GNAL: variants seen among roughly 807,000 people sequenced by gnomAD.
The protein encoded by GNAL is guanine nucleotide-binding protein G(olf) subunit alpha.
Under a neutral mutation model 55.1 loss-of-function variants are expected in GNAL, and 18 were observed. The observed-to-expected ratio is 0.33, with a 90% CI of 0.23 to 0.48. The LOEUF (loss-of-function observed/expected upper bound fraction) is 0.48, where lower values mean the gene tolerates loss of function less well. GNAL is among the 20% of genes least tolerant of loss of function. The pLI, the probability that GNAL is intolerant of heterozygous loss-of-function variation, is 0.99. For missense variants in GNAL, 412 were observed against 614.1 expected (o/e 0.67, Z 3.48); for synonymous variants, 253 against 237.0 (o/e 1.07, Z -0.62).
intron 4 of GNAL, among the ~76,000 whole-genome samples, chr18:11,778,257 A>G (rs944015628): frequency 2.6e-5 from 4 of 152,200 alleles, no homozygotes; most frequent in African/African-American, 9.7e-5. Flanking sequence ...ACCATAGTTG[A>G]AGATCAGAGA....
At chr18:11,793,906 C>G (rs1308143069) in intron 4 of GNAL, among the ~76,000 whole-genome samples, 22 of 141,400 alleles carry the variant, frequency 1.6e-4, no homozygotes, top group African/African-American at 5.9e-4. Context: ...GAGACTCCAT[C>G]TCGGGAAAAA....
At chr18:11,851,533 C>G (rs1237603863) in intron 5 of GNAL, 2 of 1,600,878 alleles carry the variant, frequency 1.2e-6, no homozygotes, top group Non-Finnish European at 1.7e-6. Context: ...GGAGAAACAC[C>G]TGTTCAACCT....
In GNAL at chr18:11,884,274, G is replaced by T. The variant is rs559922914; in HGVS notation, c.*3139G>T. On this transcript the variant is annotated 3_prime_UTR_variant, in exon 12 of 12. Coordinates refer to ENST00000334049, the MANE Select transcript of GNAL (RefSeq NM_182978.4). ...GTACCTGTCCACTTTTATAGCATGA[G>T]AACAGTACAATCAACTATTTATTTT... The T allele has an allele frequency of 1.4e-5, 9 of 646,634 alleles. No individual in the cohort carries two copies. In the South Asian group the frequency reaches 1.5e-4, roughly 11 times the overall value. 40.1% of individuals were successfully genotyped at this position (646,634 alleles called of 1,614,324 possible). A position where few individuals can be genotyped will look rare whatever the true frequency, so the allele number is the denominator to read the frequency against.
chr18:11,778,965 C>T (rs2033857311), intron 4 of GNAL, among the ~76,000 whole-genome samples: 4 of 152,042 alleles, frequency 2.6e-5, no homozygotes, highest in South Asian at 2.1e-4. Context: ...CCTGCTTCAA[C>T]AGTCACTGTT....
At chr18:11,796,374 G>C (rs536917054) in intron 4 of GNAL, among the ~76,000 whole-genome samples, 23 of 152,024 alleles carry the variant, frequency 1.5e-4, no homozygotes, top group African/African-American at 5.5e-4. Flanking sequence ...TCGGGAGATC[G>C]GGACCATCCT....
At chr18:11,843,931 C>A (rs376284192) in intron 5 of GNAL, among the ~76,000 whole-genome samples, 9 of 151,868 alleles carry the variant, frequency 5.9e-5, no homozygotes, top group Admixed American at 4.6e-4. Context: ...CGAGATTGTG[C>A]CATTGCACTC....
At chr18:11,729,721 C>T (rs1286639901) in intron 1 of GNAL, among the ~76,000 whole-genome samples, 2 of 152,202 alleles carry the variant, frequency 1.3e-5, no homozygotes, top group African/African-American at 4.8e-5. Context: ...AACAGGAAAA[C>T]CAAACCTTGT....
chr18:11,692,625 A>G (rs1034033959), intron 1 of GNAL, among the ~76,000 whole-genome samples: 4 of 152,106 alleles, frequency 2.6e-5, no homozygotes, highest in African/African-American at 7.2e-5. Flanking sequence ...GGAAACTTAA[A>G]AAAAAAATAG....
At chr18:11,839,624 A>C (rs1003166276) in intron 5 of GNAL, among the ~76,000 whole-genome samples, 1 of 151,950 alleles carries the variant, frequency 6.6e-6, no homozygotes, top group Non-Finnish European at 1.5e-5. Context: ...TCATAGCAGC[A>C]TTATTCACAA....
At chr18:11,880,844 G>T in intron 11 of GNAL, 145 bp from the exon 12 acceptor site, 1 of 777,768 alleles carries the variant, frequency 1.3e-6, no homozygotes. Context: ...CTTGCATTGA[G>T]ACCATTCCTG....
chr18:11,864,326 C>T (rs1763210981), intron 6 of GNAL, among the ~76,000 whole-genome samples: 1 of 152,106 alleles, frequency 6.6e-6, no homozygotes, highest in African/African-American at 2.4e-5. Context: ...CTCCTGACCT[C>T]AGGTGATCTG....
chr18:11,859,805 G>A (rs868688518), intron 5 of GNAL, among the ~76,000 whole-genome samples: 1 of 151,904 alleles, frequency 6.6e-6, no homozygotes. Flanking sequence ...GAGTGCAGTG[G>A]TGTGATCTCG....
intron 1 of GNAL, among the ~76,000 whole-genome samples, chr18:11,703,366 G>A (rs1034350571): frequency 6.6e-6 from 1 of 152,158 alleles, no homozygotes; most frequent in African/African-American, 2.4e-5. Context: ...TGACCTATAA[G>A]GAAGTGTCCC....
intron 1 of GNAL, among the ~76,000 whole-genome samples, chr18:11,750,344 T>A (rs994072228): frequency 4.6e-5 from 7 of 151,962 alleles, no homozygotes; most frequent in Non-Finnish European, 1.0e-4. Context: ...GGGCGGTGTG[T>A]CTGGGGACGG....
intron 1 of GNAL, among the ~76,000 whole-genome samples, chr18:11,738,712 G>C (rs2032510043): frequency 6.6e-6 from 1 of 152,166 alleles, no homozygotes; most frequent in Non-Finnish European, 1.5e-5. Flanking sequence ...GCCTCCCAGA[G>C]TGCTGGGATT....
At chr18:11,695,807 G>A (rs941026509) in intron 1 of GNAL, among the ~76,000 whole-genome samples, 2 of 151,878 alleles carry the variant, frequency 1.3e-5, no homozygotes, top group African/African-American at 2.4e-5. Context: ...AATCTCTTTG[G>A]GACATTTGCT....
chr18:11,846,731 T>C (rs538165534), intron 5 of GNAL, among the ~76,000 whole-genome samples: 59 of 151,922 alleles, frequency 3.9e-4, no homozygotes, highest in African/African-American at 1.4e-3. Context: ...TTTGTTTTGT[T>C]GTTGTTGTTT....
At chr18:11,841,589 G>T (rs2035614545) in intron 5 of GNAL, among the ~76,000 whole-genome samples, 1 of 149,554 alleles carries the variant, frequency 6.7e-6, no homozygotes, top group Non-Finnish European at 1.5e-5. Flanking sequence ...AGGTTGCAGT[G>T]AGCCAATATC....
chr18:11,877,041 C>T (rs1362538617), intron 11 of GNAL, among the ~76,000 whole-genome samples: 3 of 152,242 alleles, frequency 2.0e-5, no homozygotes, highest in East Asian at 1.9e-4. Context: ...AAAGCACTAA[C>T]AGGCTGATGG....
Sources: gnomAD v4.1 joint callset for allele counts (sites outside exome capture counted in the v4.1 genomes callset) on GRCh38, gnomAD v4.1.1 for gene constraint, MANE v1.5 for transcripts, NCBI Gene and HGNC (gene_info 2026-07-23, HGNC 2026-07-21) for gene names.